Variants in CRMP1 observed in about 807,000 individuals in gnomAD.
CRMP1 encodes the protein collapsin response mediator protein 1.
CRMP1 carries 19 observed loss-of-function variants against 68.3 expected under a neutral mutation model. The observed-to-expected ratio is 0.28, with a 90% CI of 0.19 to 0.41. The LOEUF (loss-of-function observed/expected upper bound fraction) is 0.41. Ranked by LOEUF, CRMP1 falls within the 10% of genes least tolerant of loss-of-function variation. CRMP1 has a pLI of 1.00. For synonymous variants in CRMP1, 439 were observed against 399.6 expected (o/e 1.10, Z -1.18); for missense variants, 791 against 967.4 (o/e 0.82, Z 2.42).
intron 11 of CRMP1, among the ~76,000 whole-genome samples, chr4:5,831,963 G>T (rs1210261465): frequency 1.3e-5 from 2 of 152,080 alleles, no homozygotes; most frequent in Non-Finnish European, 2.9e-5. Flanking sequence ...AACTAAACGT[G>T]GTCCATCCCT....
rs921438090 is a variant in CRMP1, at chr4:5,834,837, C to T, written c.1623+1078G>A. ...GGGCTGTGGGAAGCAAGTAGTGTTA[C>T]CAGGGAGCATTGTGTATTATAAGAA... On this transcript the variant is annotated intron_variant, in intron 11 of 13. Coordinates refer to ENST00000324989, the MANE Select transcript of CRMP1 (RefSeq NM_001014809.3). This position sits in a 1 kb window ranked among gnomAD's most constrained non-coding sequence, Gnocchi z 4.3. 1.3e-5 allele frequency among the ~76,000 whole-genome samples: 2 copies of T among 152,198 alleles called. No homozygotes were observed. The highest frequency in any genetic ancestry group is 4.8e-5 in the African/African-American group (2 of 41,456).
chr4:5,888,559 G>T lies in CRMP1; in HGVS notation c.381+4030C>A, dbSNP rs1219655199. ...GCAGACAGCTCCTCCCGGCGGCGCG[G>T]AGCGAAGCCGGATTCGCCCCTCTCG... On this transcript the variant is annotated intron_variant, in intron 1 of 13. Transcript: ENST00000324989. This position sits in a 1 kb window ranked among gnomAD's most constrained non-coding sequence, Gnocchi z 6.4. 1.2e-5 allele frequency: 14 copies of T among 1,129,020 alleles called. No homozygotes were observed. The East Asian group carries it at 5.8e-4, about 47-fold the overall frequency. The allele number at this position is 1,129,020 out of a possible 1,614,324, so 69.9% of individuals were successfully genotyped here.
chr4:5,888,232 A>G lies in CRMP1; in HGVS notation c.381+4357T>C. The G allele has an allele frequency of 7.8e-7, 1 of 1,278,706 alleles. No individual in the cohort carries two copies. The highest frequency in any genetic ancestry group is 9.9e-7 in the Non-Finnish European group (1 of 1,006,950). 79.2% of individuals were successfully genotyped at this position (1,278,706 alleles called of 1,614,324 possible). Reference sequence around the variant, plus strand: ...GCGGGGGCGGGGGCCGCTTACCGTGATGTGCGGGATGCTCTTCTTGCCCTG... The same window carrying G: ...GCGGGGGCGGGGGCCGCTTACCGTGGTGTGCGGGATGCTCTTCTTGCCCTG... On this transcript the variant is annotated intron_variant, in intron 1 of 13. Coordinates refer to ENST00000324989, the MANE Select transcript of CRMP1 (RefSeq NM_001014809.3). The surrounding 1 kb of genome is among the most constrained non-coding windows in gnomAD (Gnocchi z 6.4).
Position 5,889,817 on chromosome 4 carries a change from C to T in CRMP1, c.381+2772G>A, listed in dbSNP as rs1263102487. Reference sequence around the variant, plus strand: ...CCACCCCAGGGGCCAGTCCCCTAATCCAGGGCAGGAGGCCAGAGACACCTG... The same window carrying T: ...CCACCCCAGGGGCCAGTCCCCTAATTCAGGGCAGGAGGCCAGAGACACCTG... On this transcript the variant is annotated intron_variant, in intron 1 of 13. Transcript: ENST00000324989. The surrounding 1 kb of genome is among the most constrained non-coding windows in gnomAD (Gnocchi z 4.5). 6.7e-7 allele frequency: 1 copy of T among 1,501,504 alleles called. No homozygotes were observed. Among genetic ancestry groups the T allele is most frequent in the Non-Finnish European group, 8.9e-7 (1 of 1,127,460 alleles). The allele number at this position is 1,501,504 out of a possible 1,614,324, so 93.0% of individuals were successfully genotyped here.
rs1024707261 is a variant in CRMP1, at chr4:5,828,562, T to C, written c.1730A>G (p.Lys577Arg). ...CCGCGGAATGAAGCGGCCCATGCCC[T>C]TGTTGACGTTGATGTTTCCGTCTTC... The part of the protein sequence containing the change: ...VFEDGNINVN[K>R]GMGRFIPRKA... Residue 577 changes from lysine (K) to arginine (R), a missense_variant, in exon 12 of 14, where the codon AAG (lysine) becomes AGG (arginine). Lys to Arg is a conservative substitution (Grantham distance 26). Transcript: ENST00000324989. 3 of 1,614,208 alleles carry C rather than the reference T, an allele frequency of 1.9e-6. No individual in the cohort carries two copies. Among genetic ancestry groups the C allele is most frequent in the Non-Finnish European group, 8.5e-7 (1 of 1,180,032 alleles).
In CRMP1 at chr4:5,892,580, C is replaced by G; in HGVS notation, c.381+9G>C. 3.4e-6 allele frequency: 4 copies of G among 1,177,590 alleles called. No homozygotes were observed. Among genetic ancestry groups the G allele is most frequent in the Admixed American group, 4.6e-5 (1 of 21,832 alleles). The allele number at this position is 1,177,590 out of a possible 1,614,324, so 72.9% of individuals were successfully genotyped here. A position where few individuals can be genotyped will look rare whatever the true frequency, so the allele number is the denominator to read the frequency against. ...CCCCTCGTCTGGCCCGCGCGCGCCC[C>G]GAGGGTACCTGGCCATTGTCCCGGC... On this transcript the variant is annotated intron_variant, in intron 1 of 13. Coordinates refer to ENST00000324989, the MANE Select transcript of CRMP1 (RefSeq NM_001014809.3). This position sits in a 1 kb window ranked among gnomAD's most constrained non-coding sequence, Gnocchi z 8.6.
At position 5,891,175 on chromosome 4, in the gene CRMP1, TACACACAC is replaced by T. The variant is rs58583102; in HGVS notation, c.381+1406_381+1413del. Among the ~76,000 whole-genome samples, 12 of 131,962 alleles carry T rather than the reference TACACACAC, an allele frequency of 9.1e-5. No individual in the cohort carries two copies. The highest frequency in any genetic ancestry group is 3.0e-4 in the Admixed American group (4 of 13,420). The allele number at this position is 131,962 out of a possible 152,430, so 86.6% of individuals were successfully genotyped here. A position where few individuals can be genotyped will look rare whatever the true frequency, so the allele number is the denominator to read the frequency against. On this transcript the variant is annotated intron_variant, in intron 1 of 13. Transcript: ENST00000324989. The surrounding 1 kb of genome is among the most constrained non-coding windows in gnomAD (Gnocchi z 5.2). ...TGATCACCCCACCACCACACACACA[TACACACAC>T]ACACACACACACACACACACACACA...
rs892165604 is a variant in CRMP1, at chr4:5,821,426, C to T, written c.*334G>A. ...AGAACATCTACAGGGTGCAAAGGAA[C>T]CACCACTCAGAGAATCATGGAGCCA... On this transcript the variant is annotated 3_prime_UTR_variant, in exon 14 of 14. Coordinates refer to ENST00000324989, the MANE Select transcript of CRMP1 (RefSeq NM_001014809.3). This position sits in a 1 kb window ranked among gnomAD's most constrained non-coding sequence, Gnocchi z 4.4. 1 of 332,296 alleles carries T rather than the reference C, an allele frequency of 3.0e-6. No homozygotes were observed. Among genetic ancestry groups the T allele is most frequent in the Non-Finnish European group, 5.6e-6 (1 of 177,314 alleles). The allele number at this position is 332,296 out of a possible 1,614,324, so 20.6% of individuals were successfully genotyped here. A position where few individuals can be genotyped will look rare whatever the true frequency, so the allele number is the denominator to read the frequency against.
At chr4:5,886,980 A>G (rs534886893) in intron 1 of CRMP1, among the ~76,000 whole-genome samples, 1 of 152,198 alleles carries the variant, frequency 6.6e-6, no homozygotes, top group Non-Finnish European at 1.5e-5. Context: ...TGGGCCCAGG[A>G]GGAATTTTCT....
chr4:5,873,395 A>C (rs1361092735), intron 1 of CRMP1, among the ~76,000 whole-genome samples: 1 of 152,198 alleles, frequency 6.6e-6, no homozygotes, highest in Non-Finnish European at 1.5e-5. Context: ...TTTGTGAAGA[A>C]AAGAAAAGAG....
rs185142434 is a variant in CRMP1, at chr4:5,855,566, G to C, written c.820+577C>G. On this transcript the variant is annotated intron_variant, in intron 4 of 13. Transcript: ENST00000324989. The surrounding 1 kb of genome is among the most constrained non-coding windows in gnomAD (Gnocchi z 4.9). ...AGGTGGGAAGCAGGGACATATAGAC[G>C]TGGTCCCCTCCCTCACAGAGCTCAG... 1.1e-3 allele frequency among the ~76,000 whole-genome samples: 168 copies of C among 152,338 alleles called. 1 individual carries two copies. The highest frequency in any genetic ancestry group is 3.4e-3 in the Middle Eastern group (1 of 294).
At position 5,877,862 on chromosome 4, in the gene CRMP1, C is replaced by T. The variant is rs1371797458; in HGVS notation, c.382-11106G>A. On this transcript the variant is annotated intron_variant, in intron 1 of 13. Transcript: ENST00000324989. This position sits in a 1 kb window ranked among gnomAD's most constrained non-coding sequence, Gnocchi z 4.3. ...GACTGAATATCTGATTTTAAAACAG[C>T]ACACCTCTGTCACAACCCTAAGAGT... 6.6e-6 allele frequency among the ~76,000 whole-genome samples: 1 copy of T among 152,206 alleles called. No homozygotes were observed. Among genetic ancestry groups the T allele is most frequent in the Non-Finnish European group, 1.5e-5 (1 of 68,042 alleles).
At chr4:5,836,637 C>G (rs1560491512) in intron 10 of CRMP1, 128 bp downstream of exon 10, 1 of 1,370,592 alleles carries the variant, frequency 7.3e-7, no homozygotes, top group East Asian at 2.3e-5. Context: ...CCTGCGCCCT[C>G]CTAGTATATC....
Position 5,861,203 on chromosome 4 carries a change from C to A in CRMP1, c.478G>T (p.Gly160Ter). ...CCACCAGGAACGATTAAGTTCTCTCCTATTTGTCTGGAGGCAAACAACAGA... is the reference window on the plus strand; with the variant it reads ...CCACCAGGAACGATTAAGTTCTCTCATATTTGTCTGGAGGCAAACAACAGA... The part of the protein sequence containing the change: ...YLEDGLIKQI[G>*]ENLIVPGGVK... Residue 160 changes from glycine (G) to a stop codon, truncating the protein, a stop_gained, in exon 3 of 14, where the codon GGA (glycine) becomes TGA (stop). Coordinates refer to ENST00000324989, the MANE Select transcript of CRMP1 (RefSeq NM_001014809.3). LOFTEE classifies it high-confidence loss of function. The surrounding 1 kb of genome is among the most constrained non-coding windows in gnomAD (Gnocchi z 6.0). The A allele has an allele frequency of 6.2e-7, 1 of 1,613,426 alleles. No individual in the cohort carries two copies. The highest frequency in any genetic ancestry group is 8.5e-7 in the Non-Finnish European group (1 of 1,179,634).
intron 1 of CRMP1, among the ~76,000 whole-genome samples, chr4:5,869,861 G>T (rs7683049): frequency 0.67 from 100,895 of 151,464 alleles, 34,358 homozygotes; most frequent in East Asian, 0.79. Context: ...CAATAAAGAG[G>T]GCATATTGAC....
intron 1 of CRMP1, among the ~76,000 whole-genome samples, chr4:5,868,263 A>ATATATC (rs1553907498): frequency 4.7e-3 from 38 of 8,084 alleles, no homozygotes; most frequent in South Asian, 0.011. Flanking sequence ...CTATATATCT[A>ATATATC]TATATATATA....
At chr4:5,826,065 C>T in intron 12 of CRMP1, 1 of 267,392 alleles carries the variant, frequency 3.7e-6, no homozygotes, top group South Asian at 3.9e-5. Flanking sequence ...CATATGTATA[C>T]ACATGCATAC....
intron 2 of CRMP1, among the ~76,000 whole-genome samples, chr4:5,862,495 T>C (rs1416415504): frequency 6.6e-6 from 1 of 152,182 alleles, no homozygotes; most frequent in Non-Finnish European, 1.5e-5. Flanking sequence ...GGAAAGGGGT[T>C]GGGAAGACAC....
chr4:5,851,867 G>GGAGGAA (rs763157288), intron 4 of CRMP1, among the ~76,000 whole-genome samples: 5 of 144,704 alleles, frequency 3.5e-5, no homozygotes, highest in African/African-American at 1.0e-4. Flanking sequence ...AGGAGCAGGA[G>GGAGGAA]GAGGAAGAGG....
Sources: allele counts gnomAD v4.1 joint callset (sites outside exome capture counted in the v4.1 genomes callset), GRCh38; gene constraint gnomAD v4.1.1; non-coding constraint Gnocchi (gnomAD v3.1); transcripts MANE v1.5; gene names NCBI Gene and HGNC (gene_info 2026-07-23, HGNC 2026-07-21).